Variants in RFX2 observed in about 807,000 individuals in gnomAD.
RFX2 encodes the protein regulatory factor X2, also known as DNA-binding protein RFX2.
A neutral mutation model predicts 87.8 loss-of-function variants in RFX2; 20 were observed. The observed-to-expected ratio is 0.23, with a 90% CI of 0.16 to 0.33. The LOEUF (loss-of-function observed/expected upper bound fraction) is 0.33. Ranked by LOEUF, RFX2 falls within the 10% of genes least tolerant of loss-of-function variation. The pLI is 1.00. For missense variants in RFX2, 767 were observed against 1,012.3 expected, an observed-to-expected ratio of 0.76 and a Z score of 3.29; for synonymous variants, 397 against 431.3, an observed-to-expected ratio of 0.92 and a Z score of 0.98.
intron 16 of RFX2, among the ~76,000 whole-genome samples, chr19:5,996,377 C>T (rs2086412656): frequency 1.8e-5 from 1 of 55,842 alleles, no homozygotes. Context: ...CGGAACACAA[C>T]TCAGCCAGGA....
Position 6,017,462 on chromosome 19 carries a change from G to A in RFX2, c.598-1191C>T, listed in dbSNP as rs1168525065. ...GGTTTCCACCTCTCCCTCTGCTATC[G>A]TCTGTCCCCTGATCCAGAGAGGTCT... On this transcript the variant is annotated intron_variant, in intron 6 of 17. Transcript: ENST00000303657. The surrounding 1 kb of genome is among the most constrained non-coding windows in gnomAD (Gnocchi z 4.1). Among the ~76,000 whole-genome samples, 1 of 152,190 alleles carries A rather than the reference G, an allele frequency of 6.6e-6. No individual in the cohort carries two copies.
At chr19:5,995,561 C>G (rs1365520402) in intron 17 of RFX2, 40 bp downstream of exon 17, 1 of 1,547,616 alleles carries the variant, frequency 6.5e-7, no homozygotes, top group Non-Finnish European at 8.7e-7. Flanking sequence ...GTACCACCCT[C>G]CTGGGAGGGT....
chr19:6,019,509 A>AGTGTGT (rs1363381067), intron 6 of RFX2, among the ~76,000 whole-genome samples: 21 of 69,906 alleles, frequency 3.0e-4, no homozygotes, highest in African/African-American at 1.6e-3. Context: ...TTAGTGTGTG[A>AGTGTGT]GTATGTGTGT....
chr19:6,005,514 G>T (rs552859483), intron 12 of RFX2, among the ~76,000 whole-genome samples: 1 of 152,208 alleles, frequency 6.6e-6, no homozygotes, highest in Non-Finnish European at 1.5e-5. Context: ...GGGCTCCCTC[G>T]TGGTGGGTGC....
intron 15 of RFX2, among the ~76,000 whole-genome samples, chr19:6,000,155 T>TTTAGCCCACCACTAC (rs1204038650): frequency 1.3e-5 from 2 of 152,070 alleles, no homozygotes; most frequent in African/African-American, 2.4e-5. Context: ...TGACTAATTT[T>TTTAGCCCACCACTAC]TATATTTTTA....
intron 1 of RFX2, among the ~76,000 whole-genome samples, chr19:6,106,865 A>T (rs2088224949): frequency 6.7e-6 from 1 of 148,152 alleles, no homozygotes; most frequent in Non-Finnish European, 1.5e-5. Context: ...ATGTTTTAAT[A>T]TTTCAATATA....
Position 6,012,842 on chromosome 19 carries a change from A to G in RFX2, c.899+144T>C. ...CTGTGTCTCCTGCTAGACTCACCTC[A>G]GTCTCAGCAGAGGGGGATACCTTGG... is the stretch of plus-strand genomic sequence containing the variant. On this transcript the variant is annotated intron_variant, in intron 8 of 17. Coordinates refer to ENST00000303657, the MANE Select transcript of RFX2 (RefSeq NM_000635.4). The surrounding 1 kb of genome is among the most constrained non-coding windows in gnomAD (Gnocchi z 4.6). The G allele has an allele frequency of 1.4e-6, 1 of 739,844 alleles. No homozygotes were observed. Among genetic ancestry groups the G allele is most frequent in the Non-Finnish European group, 2.0e-6 (1 of 509,230 alleles). The allele number at this position is 739,844 out of a possible 1,614,324, so 45.8% of individuals were successfully genotyped here. A position where few individuals can be genotyped will look rare whatever the true frequency, so the allele number is the denominator to read the frequency against.
chr19:6,107,387 C>T (rs929471937), intron 1 of RFX2, among the ~76,000 whole-genome samples: 13 of 151,386 alleles, frequency 8.6e-5, no homozygotes, highest in African/African-American at 2.2e-4. Context: ...GAGGCCAAGG[C>T]GGTTGGATCA....
intron 12 of RFX2, among the ~76,000 whole-genome samples, chr19:6,005,572 G>A (rs1028843453): frequency 6.6e-6 from 1 of 152,196 alleles, no homozygotes; most frequent in Admixed American, 6.5e-5. Flanking sequence ...CCAAGGGCAC[G>A]AGTGATCTCT....
chr19:6,030,549 C>G (rs1198963555), intron 5 of RFX2, among the ~76,000 whole-genome samples: 2 of 152,036 alleles, frequency 1.3e-5, no homozygotes, highest in Non-Finnish European at 2.9e-5. Context: ...GTAGAATTGG[C>G]AAATCCCTAG....
In RFX2 at chr19:6,058,730, T is replaced by C. The variant is rs1043776839; in HGVS notation, c.-8-11226A>G. On this transcript the variant is annotated intron_variant, in intron 1 of 17. Coordinates refer to ENST00000303657, the MANE Select transcript of RFX2 (RefSeq NM_000635.4). ...CGTAAGAATTGGGCTTCTGTTCCTG[T>C]TTTCTTCTCAGGAGCCAAACTTTCC... 1.4e-4 allele frequency among the ~76,000 whole-genome samples: 22 copies of C among 152,242 alleles called. 1 individual carries two copies. The highest frequency in any genetic ancestry group is 5.3e-4 in the African/African-American group (22 of 41,540).
chr19:6,109,378 A>C (rs992046786), intron 1 of RFX2: 1 of 152,292 alleles, frequency 6.6e-6, no homozygotes, highest in Non-Finnish European at 1.5e-5. Context: ...ATTTGGGGCA[A>C]AAAGGTGAGA....
chr19:6,057,091 G>C (rs993595865), intron 1 of RFX2: 2 of 152,268 alleles, frequency 1.3e-5, no homozygotes, highest in Non-Finnish European at 2.9e-5. Context: ...TCCTTGGCCG[G>C]CACCAGCCTT....
chr19:6,053,223 GA>G (rs2087288078), intron 1 of RFX2, among the ~76,000 whole-genome samples: 1 of 152,186 alleles, frequency 6.6e-6, no homozygotes, highest in African/African-American at 2.4e-5. Context: ...CACATACTAT[GA>G]AGTGAAAGAA....
chr19:6,008,167 T>C lies in RFX2; in HGVS notation c.1073A>G (p.Gln358Arg). The change falls in exon 10 of 18, where the codon CAG becomes CGG. Residue 358 changes from glutamine (Q) to arginine (R), a missense_variant. Coordinates refer to ENST00000303657, the MANE Select transcript of RFX2 (RefSeq NM_000635.4). ...PAPDLGSFLLQDGVTLHDVKA... is the reference protein window; with the variant it reads ...PAPDLGSFLLRDGVTLHDVKA... ...GACGTCGTGCAGTGTGACGCCGTCC[T>C]GCAGCAGGAAGCTGCCCAGGTCGGG... The C allele has an allele frequency of 6.4e-7, 1 of 1,559,292 alleles. No individual in the cohort carries two copies.
At chr19:6,095,313 T>C (rs1958519075) in intron 1 of RFX2, among the ~76,000 whole-genome samples, 1 of 152,232 alleles carries the variant, frequency 6.6e-6, no homozygotes, top group African/African-American at 2.4e-5. Flanking sequence ...AAATGATTTT[T>C]AGATGTAGAT....
intron 1 of RFX2, among the ~76,000 whole-genome samples, chr19:6,091,292 A>G (rs1466824008): frequency 6.6e-6 from 1 of 152,064 alleles, no homozygotes; most frequent in African/African-American, 2.4e-5. Flanking sequence ...GGAGTTTGAG[A>G]CCAGCCTGGG....
chr19:6,066,194 T>G (rs1488737716), intron 1 of RFX2, among the ~76,000 whole-genome samples: 1 of 152,106 alleles, frequency 6.6e-6, no homozygotes, highest in Non-Finnish European at 1.5e-5. Flanking sequence ...ACTTTGTTAG[T>G]GGGAACGTGC....
chr19:6,047,736 A>G lies in RFX2; in HGVS notation c.-8-232T>C, dbSNP rs76158626. On this transcript the variant is annotated intron_variant, in intron 1 of 17. Coordinates refer to ENST00000303657, the MANE Select transcript of RFX2 (RefSeq NM_000635.4). The surrounding 1 kb of genome is among the most constrained non-coding windows in gnomAD (Gnocchi z 4.2). ...AGTTTTCCAAATATAAAACCCAAAA[A>G]GGGCTCTGTCAGCGCACAATGGCAG... is the stretch of plus-strand genomic sequence containing the variant. Among the ~76,000 whole-genome samples the G allele has an allele frequency of 0.015, 2,332 of 152,328 alleles. 61 individuals carry two copies. Among genetic ancestry groups the G allele is most frequent in the African/African-American group, 0.053 (2,223 of 41,568 alleles).
Sources: gnomAD v4.1 joint callset for allele counts (sites outside exome capture counted in the v4.1 genomes callset) on GRCh38, gnomAD v4.1.1 for gene constraint, Gnocchi (gnomAD v3.1) non-coding constraint, MANE v1.5 for transcripts, NCBI Gene and HGNC (gene_info 2026-07-23, HGNC 2026-07-21) for gene names.